Variants in ROBO2 observed in about 807,000 individuals in gnomAD.
ROBO2 encodes the protein roundabout guidance receptor 2, also known as roundabout homolog 2.
In ROBO2, 53 loss-of-function variants were observed where a neutral mutation model predicts 160.8. The observed-to-expected ratio is 0.33, with a 90% confidence interval of 0.26 to 0.41. ROBO2 has a LOEUF of 0.41. Among genes scored for constraint, ROBO2 ranks in the 10% least tolerant of loss-of-function variants. ROBO2 has a pLI of 1.00. For synonymous variants in ROBO2, 664 were observed against 611.7 expected (o/e 1.09, Z -1.26); for missense variants, 1,577 against 1,722.4 (o/e 0.92, Z 1.49).
intron 21 of ROBO2, among the ~76,000 whole-genome samples, chr3:77,617,130 A>ATGT (rs10699107): frequency 0.77 from 117,425 of 151,916 alleles, 46,189 homozygotes; most frequent in African/African-American, 0.92. Flanking sequence ...TTGGCATGTA[A>ATGT]TGGTGCACAA....
chr3:76,929,259 CAAAA>C (rs1248825070), intron 2 of ROBO2, among the ~76,000 whole-genome samples: 5 of 152,046 alleles, frequency 3.3e-5, no homozygotes, highest in Non-Finnish European at 7.4e-5. Context: ...GACTCCATCT[CAAAA>C]AGAAAGAAAG....
chr3:77,576,179 A>T (rs548317121), intron 14 of ROBO2, among the ~76,000 whole-genome samples: 1 of 152,128 alleles, frequency 6.6e-6, no homozygotes, highest in African/African-American at 2.4e-5. Flanking sequence ...TTTATTCATC[A>T]TGCCATATTT....
In ROBO2 at chr3:77,522,685, C is replaced by T. The variant is rs929048574; in HGVS notation, c.807-90C>T. 41 of 1,344,020 alleles carry T rather than the reference C, an allele frequency of 3.1e-5. No individual in the cohort carries two copies. In the Admixed American group the frequency reaches 7.7e-4, roughly 25 times the overall value. 83.3% of individuals were successfully genotyped at this position (1,344,020 alleles called of 1,614,324 possible). On this transcript the variant is annotated intron_variant, in intron 5 of 25. Transcript: ENST00000461745. ...TGTGTATTTGTGTTTAGGTAAAATACAGTATAAAAAGAAAAATGAAGATGA... is the reference window on the plus strand; with the variant it reads ...TGTGTATTTGTGTTTAGGTAAAATATAGTATAAAAAGAAAAATGAAGATGA...
At chr3:76,279,726 C>T (rs1406541356) in intron 2 of ROBO2, among the ~76,000 whole-genome samples, 2 of 130,896 alleles carry the variant, frequency 1.5e-5, no homozygotes, top group Non-Finnish European at 3.5e-5. Context: ...ATTATCATTG[C>T]ATCAGGATCC....
chr3:77,283,624 C>G (rs1169222486), intron 2 of ROBO2, among the ~76,000 whole-genome samples: 1 of 151,850 alleles, frequency 6.6e-6, no homozygotes, highest in African/African-American at 2.4e-5. Context: ...TTGAACATAC[C>G]TAACTGGTTT....
At chr3:76,476,986 G>C (rs905023901) in intron 2 of ROBO2, among the ~76,000 whole-genome samples, 4 of 152,164 alleles carry the variant, frequency 2.6e-5, no homozygotes, top group African/African-American at 4.8e-5. Flanking sequence ...TTACTGTCAG[G>C]CAGTACCAGG....
chr3:76,870,923 G>A (rs2071972583), intron 2 of ROBO2, among the ~76,000 whole-genome samples: 1 of 151,896 alleles, frequency 6.6e-6, no homozygotes, highest in Non-Finnish European at 1.5e-5. Flanking sequence ...ATTATCTAAG[G>A]GAATTTTGCA....
intron 23 of ROBO2, chr3:77,630,965 TTATCTAG>T (rs1054943677): frequency 1.5e-4 from 22 of 149,972 alleles, no homozygotes; most frequent in African/African-American, 4.9e-4. Context: ...GATTTTTTTC[TTATCTAG>T]TATAGCATTA....
chr3:77,548,455 C>T (rs1359672215), intron 7 of ROBO2, among the ~76,000 whole-genome samples: 1 of 151,912 alleles, frequency 6.6e-6, no homozygotes, highest in African/African-American at 2.4e-5. Flanking sequence ...TATAATGTGA[C>T]TTGTTATTAT....
chr3:77,608,066 A>G (rs2094560326), intron 21 of ROBO2, 112 bp downstream of exon 22: 6 of 931,768 alleles, frequency 6.4e-6, no homozygotes, highest in Non-Finnish European at 1.0e-5. Flanking sequence ...CCCCACCACC[A>G]TGTTCATTGC....
chr3:77,605,027 A>G (rs1034507209), intron 20 of ROBO2, among the ~76,000 whole-genome samples: 4 of 151,650 alleles, frequency 2.6e-5, no homozygotes, highest in Non-Finnish European at 5.9e-5. Flanking sequence ...TTAGCCAAGC[A>G]TGGTGGCACT....
intron 2 of ROBO2, among the ~76,000 whole-genome samples, chr3:76,113,650 C>A (rs2070338859): frequency 6.6e-6 from 1 of 152,098 alleles, no homozygotes; most frequent in Admixed American, 6.6e-5. Context: ...ACTCATCCTA[C>A]CTATCTGTGG....
At chr3:76,437,873 G>A (rs141321961) in intron 2 of ROBO2, among the ~76,000 whole-genome samples, 5 of 152,280 alleles carry the variant, frequency 3.3e-5, no homozygotes, top group Admixed American at 2.6e-4. Flanking sequence ...CTCTTGGATA[G>A]ATAATTATGC....
At chr3:77,065,540 A>C (rs1315238490) in intron 1 of ROBO2, among the ~76,000 whole-genome samples, 4 of 152,132 alleles carry the variant, frequency 2.6e-5, no homozygotes. Context: ...ATGTCATTTG[A>C]GTATTGGTGA....
intron 2 of ROBO2, among the ~76,000 whole-genome samples, chr3:76,500,341 A>T (rs751763910): frequency 6.6e-6 from 1 of 152,060 alleles, no homozygotes; most frequent in African/African-American, 2.4e-5. Context: ...CTGGTCTCCA[A>T]CTCCGGAGCA....
chr3:77,633,720 T>C (rs2095214087), intron 23 of ROBO2: 1 of 152,246 alleles, frequency 6.6e-6, no homozygotes, highest in Non-Finnish European at 1.5e-5. Context: ...CTTCTAAGCA[T>C]TGCAGAGGTT....
intron 8 of ROBO2, among the ~76,000 whole-genome samples, chr3:77,557,626 G>T (rs932301898): frequency 9.4e-6 from 1 of 106,846 alleles, no homozygotes; most frequent in Non-Finnish European, 2.0e-5. Context: ...ATTTTAATAC[G>T]ACTAAGCCTT....
intron 2 of ROBO2, among the ~76,000 whole-genome samples, chr3:76,094,569 T>C (rs1009080295): frequency 6.6e-6 from 1 of 152,206 alleles, no homozygotes; most frequent in African/African-American, 2.4e-5. Context: ...AATGACACCA[T>C]GATTCAGTTA....
intron 2 of ROBO2, among the ~76,000 whole-genome samples, chr3:76,567,763 CTGTGTGTGTG>C (rs71101900): frequency 1.2e-3 from 102 of 88,366 alleles, no homozygotes; most frequent in African/African-American, 3.2e-3. Flanking sequence ...ATATATCTGT[CTGTGTGTGTG>C]TGTGTGTGTG....
Sources: gnomAD v4.1 joint callset for allele counts (sites outside exome capture counted in the v4.1 genomes callset) on GRCh38, gnomAD v4.1.1 for gene constraint, MANE v1.5 for transcripts, NCBI Gene and HGNC (gene_info 2026-07-23, HGNC 2026-07-21) for gene names.